LRRC4C: variants seen among roughly 807,000 people sequenced by gnomAD.
The protein encoded by LRRC4C is leucine-rich repeat-containing protein 4C.
A neutral mutation model predicts 33.6 loss-of-function variants in LRRC4C; 5 were observed. That is an observed-to-expected ratio of 0.15 (90% CI 0.08 to 0.31). The LOEUF (loss-of-function observed/expected upper bound fraction) is 0.31, where lower values mean the gene tolerates loss of function less well. Ranked by LOEUF, LRRC4C falls within the 10% of genes least tolerant of loss-of-function variation. The probability of loss-of-function intolerance (pLI) is 1.00; values close to 1 mark genes in which losing one functional copy is unlikely to be tolerated. For synonymous variants in LRRC4C, 329 were observed against 302.0 expected (o/e 1.09, Z -0.93); for missense variants, 560 against 796.7 (o/e 0.70, Z 3.58).
chr11:40,704,392 C>T (rs1229586897), intron 2 of LRRC4C, among the ~76,000 whole-genome samples: 1 of 152,158 alleles, frequency 6.6e-6, no homozygotes, highest in Non-Finnish European at 1.5e-5. Context: ...GAAAGACATT[C>T]TTCCTCCAGC....
intron 2 of LRRC4C, among the ~76,000 whole-genome samples, chr11:40,829,389 A>C (rs1952308474): frequency 6.6e-6 from 1 of 152,016 alleles, no homozygotes; most frequent in Non-Finnish European, 1.5e-5. Context: ...TGCAGAGCAG[A>C]AACATTCTGG....
At chr11:40,490,700 ACTC>A (rs2138510415) in intron 3 of LRRC4C, among the ~76,000 whole-genome samples, 1 of 152,188 alleles carries the variant, frequency 6.6e-6, no homozygotes, top group East Asian at 1.9e-4. Context: ...TAAGCATGGA[ACTC>A]CTCGGCAGCC....
intron 1 of LRRC4C, among the ~76,000 whole-genome samples, chr11:41,066,770 A>C (rs541536307): frequency 2.0e-5 from 3 of 152,292 alleles, no homozygotes; most frequent in South Asian, 4.1e-4. Flanking sequence ...CAACATTCTT[A>C]AAGAAAAGAA....
At chr11:41,046,797 C>A (rs1223435638) in intron 1 of LRRC4C, among the ~76,000 whole-genome samples, 1 of 152,074 alleles carries the variant, frequency 6.6e-6, no homozygotes, top group Non-Finnish European at 1.5e-5. Context: ...GAAAACACAA[C>A]CATTTACTCA....
chr11:40,407,410 G>A (rs1010592277), intron 3 of LRRC4C, among the ~76,000 whole-genome samples: 17 of 152,108 alleles, frequency 1.1e-4, no homozygotes, highest in African/African-American at 3.9e-4. Context: ...GTTGGTGTTC[G>A]TTCACTTACA....
intron 3 of LRRC4C, among the ~76,000 whole-genome samples, chr11:40,357,140 T>C (rs1459177227): frequency 6.6e-6 from 1 of 152,072 alleles, no homozygotes; most frequent in Non-Finnish European, 1.5e-5. Context: ...AATACTGACA[T>C]TATTTTGAAG....
In LRRC4C at chr11:41,210,331, C is replaced by T. The variant is rs117009268; in HGVS notation, c.-496+249100G>A. Among the ~76,000 whole-genome samples the T allele has an allele frequency of 6.2e-4, 94 of 152,218 alleles. 1 individual carries two copies. In the East Asian group the frequency reaches 0.017, roughly 27 times the overall value. ...AATCATGGGGGCGGTTTTCCCCATA[C>T]TGTTCTCCTGGTCTTGAATAAGTCT... is the stretch of plus-strand genomic sequence containing the variant. On this transcript the variant is annotated intron_variant, in intron 1 of 6. Transcript: ENST00000528697.
At chr11:41,058,017 G>A (rs976490725) in intron 1 of LRRC4C, among the ~76,000 whole-genome samples, 2 of 152,156 alleles carry the variant, frequency 1.3e-5, no homozygotes, top group Non-Finnish European at 2.9e-5. Flanking sequence ...ACTTGTCTGC[G>A]TACCTCATTC....
chr11:40,466,387 T>A (rs6485198), intron 3 of LRRC4C, among the ~76,000 whole-genome samples: 74,864 of 151,596 alleles, frequency 0.49, 18,777 homozygotes, highest in East Asian at 0.67. Context: ...AATGTAACAA[T>A]ACTTCCCTCG....
intron 2 of LRRC4C, among the ~76,000 whole-genome samples, chr11:40,675,971 G>A (rs914505986): frequency 7.2e-5 from 11 of 152,122 alleles, no homozygotes; most frequent in Non-Finnish European, 1.5e-4. Context: ...GTGTTGCTAA[G>A]ATATAATTTG....
intron 2 of LRRC4C, among the ~76,000 whole-genome samples, chr11:40,665,198 T>G: frequency 6.6e-6 from 1 of 150,804 alleles, no homozygotes; most frequent in African/African-American, 2.4e-5. Context: ...TTCCTGATGC[T>G]TCCCCTTTAC....
At chr11:40,883,548 C>T (rs1362809589) in intron 2 of LRRC4C, among the ~76,000 whole-genome samples, 1 of 152,070 alleles carries the variant, frequency 6.6e-6, no homozygotes, top group Non-Finnish European at 1.5e-5. Context: ...CAAATCAGTT[C>T]ATCAACTCAA....
At chr11:40,731,718 C>T (rs1014926713) in intron 2 of LRRC4C, among the ~76,000 whole-genome samples, 2 of 152,114 alleles carry the variant, frequency 1.3e-5, no homozygotes, top group South Asian at 4.1e-4. Context: ...GTGCTATGAA[C>T]AGAACAGCCT....
chr11:40,757,122 C>G (rs1411972857), intron 2 of LRRC4C, among the ~76,000 whole-genome samples: 2 of 151,986 alleles, frequency 1.3e-5, no homozygotes, highest in African/African-American at 4.8e-5. Context: ...AATACTACAT[C>G]TATTGTTTGT....
At chr11:41,412,923 C>T (rs1954542623) in intron 1 of LRRC4C, among the ~76,000 whole-genome samples, 1 of 152,170 alleles carries the variant, frequency 6.6e-6, no homozygotes. Context: ...ATTCCAGCCC[C>T]TCTCTCATTT....
At chr11:40,243,813 T>C (rs1425606298) in intron 4 of LRRC4C, among the ~76,000 whole-genome samples, 1 of 151,050 alleles carries the variant, frequency 6.6e-6, no homozygotes, top group African/African-American at 2.4e-5. Flanking sequence ...CCTCAGCTCT[T>C]GAGTAGCTGG....
chr11:40,686,856 T>G (rs993779077), intron 2 of LRRC4C, among the ~76,000 whole-genome samples: 6 of 151,976 alleles, frequency 3.9e-5, no homozygotes, highest in Admixed American at 3.9e-4. Context: ...AAGAGACATC[T>G]TCAGTTTAAA....
At chr11:40,749,819 C>T (rs911645372) in intron 2 of LRRC4C, among the ~76,000 whole-genome samples, 3 of 151,900 alleles carry the variant, frequency 2.0e-5, no homozygotes, top group East Asian at 1.9e-4. Context: ...ACTGATACCA[C>T]GGAAATACAG....
chr11:41,186,952 A>G (rs764335257), intron 1 of LRRC4C, among the ~76,000 whole-genome samples: 3 of 152,208 alleles, frequency 2.0e-5, no homozygotes, highest in Non-Finnish European at 4.4e-5. Flanking sequence ...TCAAACAGAT[A>G]ATTCTGGAAG....
Sources: allele counts gnomAD v4.1 joint callset (sites outside exome capture counted in the v4.1 genomes callset), GRCh38; gene constraint gnomAD v4.1.1; transcripts MANE v1.5; gene names NCBI Gene and HGNC (gene_info 2026-07-23, HGNC 2026-07-21).